The following ACTR3B variants were observed in gnomAD, a reference collection of about 807,000 sequenced individuals.
The protein encoded by ACTR3B is actin related protein 3B, also known as actin-related protein 3B.
ACTR3B carries 8 observed loss-of-function variants against 59.0 expected under a neutral mutation model. The ratio of observed to expected loss-of-function variants is 0.14; its 90% CI spans 0.08 to 0.24. The LOEUF is 0.24. Ranked by LOEUF, ACTR3B falls within the 10% of genes least tolerant of loss-of-function variation. The pLI, the probability that ACTR3B is intolerant of heterozygous loss-of-function variation, is 1.00. For synonymous variants in ACTR3B, 148 were observed against 197.9 expected (o/e 0.75, Z 2.12); for missense variants, 245 against 552.3 (o/e 0.44, Z 5.58).
chr7:152,828,054 G>C (rs1299126596), intron 9 of ACTR3B, among the ~76,000 whole-genome samples: 2 of 151,714 alleles, frequency 1.3e-5, no homozygotes, highest in Admixed American at 1.3e-4. Context: ...GACTAGGAGT[G>C]GCTGGGTTCC....
chr7:152,818,641 G>A (rs1159944336), intron 6 of ACTR3B, among the ~76,000 whole-genome samples: 8 of 152,198 alleles, frequency 5.3e-5, no homozygotes, highest in Non-Finnish European at 1.2e-4. Flanking sequence ...TAGAGATGGG[G>A]TTTCTCCATA....
At chr7:152,783,749 T>C (rs2098162436) in intron 2 of ACTR3B, among the ~76,000 whole-genome samples, 1 of 152,046 alleles carries the variant, frequency 6.6e-6, no homozygotes, top group African/African-American at 2.4e-5. Context: ...TTCTACTCAC[T>C]CTTTATTTCC....
At position 152,803,840 on chromosome 7, in the gene ACTR3B, C is replaced by T. The variant is rs2098244150; in HGVS notation, c.336+2109C>T. Among the ~76,000 whole-genome samples the T allele has an allele frequency of 2.0e-5, 3 of 152,254 alleles. No homozygotes were observed. In the South Asian group the frequency reaches 6.2e-4, roughly 32 times the overall value. ...AAAATATCGTATTACATGTGTTGTG[C>T]TTTGAATTCTGCAAGTCATTCTGTT... On this transcript the variant is annotated intron_variant, in intron 4 of 11. Coordinates refer to ENST00000256001, the MANE Select transcript of ACTR3B (RefSeq NM_020445.6).
intron 4 of ACTR3B, among the ~76,000 whole-genome samples, chr7:152,807,074 G>A (rs1265657882): frequency 2.0e-5 from 3 of 152,116 alleles, no homozygotes; most frequent in Middle Eastern, 3.2e-3. Context: ...TCTTGCTGCC[G>A]TAAGTCTGTC....
intron 8 of ACTR3B, 59 bp downstream of exon 8, chr7:152,823,574 A>T: frequency 6.4e-7 from 1 of 1,573,680 alleles, no homozygotes; most frequent in East Asian, 2.2e-5. Context: ...TGCCACCCAG[A>T]GTGTAGAAAG....
intron 9 of ACTR3B, among the ~76,000 whole-genome samples, chr7:152,826,092 G>C (rs1414641119): frequency 6.6e-6 from 1 of 152,128 alleles, no homozygotes; most frequent in African/African-American, 2.4e-5. Flanking sequence ...TCGCTGAATT[G>C]TACAGAGAAG....
At chr7:152,837,088 A>G (rs1476445433) in intron 9 of ACTR3B, among the ~76,000 whole-genome samples, 1 of 152,188 alleles carries the variant, frequency 6.6e-6, no homozygotes, top group African/African-American at 2.4e-5. Flanking sequence ...AGGCAGCAGG[A>G]TTGCTTGAGC....
At position 152,854,644 on chromosome 7, in the gene ACTR3B, C is replaced by T. The variant is rs758948012; in HGVS notation, c.*91C>T. On this transcript the variant is annotated 3_prime_UTR_variant, in exon 12 of 12. Transcript: ENST00000256001. This position sits in a 1 kb window ranked among gnomAD's most constrained non-coding sequence, Gnocchi z 4.9. ...AAGGCCGCCGTTCTGTAAATAGCGACGTCGGTGTTGCTGCCCAGCAGCGTG... is the reference window on the plus strand; with the variant it reads ...AAGGCCGCCGTTCTGTAAATAGCGATGTCGGTGTTGCTGCCCAGCAGCGTG... 61 of 1,362,304 alleles carry T rather than the reference C, an allele frequency of 4.5e-5. No homozygotes were observed. The highest frequency in any genetic ancestry group is 3.1e-4 in the Admixed American group (17 of 55,652). 84.4% of individuals were successfully genotyped at this position (1,362,304 alleles called of 1,614,324 possible).
intron 9 of ACTR3B, among the ~76,000 whole-genome samples, chr7:152,833,996 G>A (rs1420195055): frequency 4.6e-5 from 7 of 151,860 alleles, no homozygotes; most frequent in Non-Finnish European, 8.8e-5. Context: ...GGAGGAGGGT[G>A]GTCAGAGGTT....
At chr7:152,815,758 C>T (rs1313021707) in intron 5 of ACTR3B, among the ~76,000 whole-genome samples, 3 of 152,172 alleles carry the variant, frequency 2.0e-5, no homozygotes, top group Non-Finnish European at 4.4e-5. Flanking sequence ...TACCCTGTAC[C>T]TTCCAGATTA....
At chr7:152,821,624 G>A (rs1189267870) in intron 7 of ACTR3B, among the ~76,000 whole-genome samples, 6 of 152,172 alleles carry the variant, frequency 3.9e-5, no homozygotes, top group Non-Finnish European at 8.8e-5. Flanking sequence ...CTCTCCACAC[G>A]GGCTGTTGGG....
At chr7:152,794,835 C>T (rs995214031) in intron 2 of ACTR3B, among the ~76,000 whole-genome samples, 2 of 152,214 alleles carry the variant, frequency 1.3e-5, no homozygotes, top group Admixed American at 6.5e-5. Context: ...TTCCACTTCA[C>T]TCGTGCTTTC....
At position 152,843,534 on chromosome 7, in the gene ACTR3B, G is replaced by T. The variant is rs149243446; in HGVS notation, c.952-8592G>T. Among the ~76,000 whole-genome samples the T allele has an allele frequency of 2.7e-3, 416 of 152,272 alleles. 10 individuals carry two copies. In the East Asian group the frequency reaches 0.07, roughly 26 times the overall value. On this transcript the variant is annotated intron_variant, in intron 9 of 11. Coordinates refer to ENST00000256001, the MANE Select transcript of ACTR3B (RefSeq NM_020445.6). ...TGTTTGTATGGTTATGTGAATAAAA[G>T]AAATGAATTTATATAATGCCTTTGA...
chr7:152,760,437 C>T (rs1302409117), intron 1 of ACTR3B, among the ~76,000 whole-genome samples: 1 of 152,198 alleles, frequency 6.6e-6, no homozygotes, highest in African/African-American at 2.4e-5. Flanking sequence ...TGTCATTCCT[C>T]CTGGCTGAGG....
intron 9 of ACTR3B, among the ~76,000 whole-genome samples, chr7:152,842,871 A>C (rs371706143): frequency 1.9e-4 from 29 of 152,342 alleles, no homozygotes; most frequent in African/African-American, 7.0e-4. Flanking sequence ...CCAACAGTGT[A>C]CAAGAGTTGC....
At chr7:152,803,275 T>C (rs2098242593) in intron 4 of ACTR3B, among the ~76,000 whole-genome samples, 1 of 152,190 alleles carries the variant, frequency 6.6e-6, no homozygotes, top group Non-Finnish European at 1.5e-5. Context: ...CTCAAACTCC[T>C]GGGCTTAAGT....
rs1744079747 is a variant in ACTR3B at position 152,763,044 on chromosome 7, G to T, written c.44+3118G>T. On this transcript the variant is annotated intron_variant, in intron 1 of 11. Coordinates refer to ENST00000256001, the MANE Select transcript of ACTR3B (RefSeq NM_020445.6). ...ATTAATAAGTCATTTGGCTGGGCGC[G>T]GTGGCTCATGCCTGTAATCCCAGCA... Among the ~76,000 whole-genome samples the T allele has an allele frequency of 3.3e-5, 5 of 151,978 alleles. No homozygotes were observed. In the South Asian group the frequency reaches 1.0e-3, roughly 32 times the overall value.
intron 1 of ACTR3B, among the ~76,000 whole-genome samples, chr7:152,773,326 G>A (rs1021554018): frequency 2.6e-5 from 4 of 152,064 alleles, no homozygotes; most frequent in Non-Finnish European, 5.9e-5. Flanking sequence ...AGTGGCTCAC[G>A]CCTGTAATCC....
chr7:152,795,867 G>C (rs959485139), intron 2 of ACTR3B, among the ~76,000 whole-genome samples: 1 of 149,286 alleles, frequency 6.7e-6, no homozygotes, highest in South Asian at 2.1e-4. Flanking sequence ...TTTTGGAGGC[G>C]GTGTCTTGCT....
Sources: gnomAD v4.1 joint callset for allele counts (sites outside exome capture counted in the v4.1 genomes callset) on GRCh38, gnomAD v4.1.1 for gene constraint, Gnocchi (gnomAD v3.1) non-coding constraint, MANE v1.5 for transcripts, NCBI Gene and HGNC (gene_info 2026-07-23, HGNC 2026-07-21) for gene names.